GANC: variants seen among roughly 807,000 people sequenced by gnomAD.
GANC encodes glucosidase alpha, neutral C, also known as neutral alpha-glucosidase C.
Under a neutral mutation model 124.2 loss-of-function variants are expected in GANC, and 117 were observed. The observed-to-expected ratio is 0.94, with a 90% CI of 0.81 to 1.10. The LOEUF is 1.10. Ranked by LOEUF, GANC falls within the 50% of genes least tolerant of loss-of-function variation. GANC has a pLI of 0.00. For synonymous variants in GANC, 377 were observed against 376.8 expected (o/e 1.00, Z -0.01); for missense variants, 1,140 against 1,095.0 (o/e 1.04, Z -0.58).
rs1257203403 is a variant in GANC at position 42,273,305 on chromosome 15, C to G, written c.-1177C>G. The G allele has an allele frequency of 1.2e-6, 2 of 1,614,158 alleles. No homozygotes were observed. Among genetic ancestry groups the G allele is most frequent in the Non-Finnish European group, 1.7e-6 (2 of 1,180,038 alleles). ...GACCGGTCGGCAGCAGCTACGGTTG[C>G]CGGTCCCGCACTGAAAAACGACAGT... On this transcript the variant is annotated 5_prime_UTR_variant, in exon 1 of 24. Coordinates refer to ENST00000318010, the MANE Select transcript of GANC (RefSeq NM_198141.3).
At chr15:42,315,898 G>T (rs920170031) in intron 10 of GANC, among the ~76,000 whole-genome samples, 1 of 152,098 alleles carries the variant, frequency 6.6e-6, no homozygotes, top group Non-Finnish European at 1.5e-5. Context: ...TAGTATGCCA[G>T]TATCTCCTGC....
chr15:42,352,738 T>C lies in GANC; in HGVS notation c.*599T>C. On this transcript the variant is annotated 3_prime_UTR_variant, in exon 24 of 24. Transcript: ENST00000318010. ...CTTTCATGCTTCTCAGGCTCAATAG[T>C]TTCTAATTAATCTTAAAATCCATGT... is the stretch of plus-strand genomic sequence containing the variant. 1 of 985,386 alleles carries C rather than the reference T, an allele frequency of 1.0e-6. No individual in the cohort carries two copies. Among genetic ancestry groups the C allele is most frequent in the Non-Finnish European group, 1.2e-6 (1 of 829,464 alleles). 61.0% of individuals were successfully genotyped at this position (985,386 alleles called of 1,614,324 possible). A position where few individuals can be genotyped will look rare whatever the true frequency, so the allele number is the denominator to read the frequency against.
intron 4 of GANC, among the ~76,000 whole-genome samples, chr15:42,290,460 A>G (rs993357583): frequency 7.9e-5 from 12 of 152,214 alleles, no homozygotes; most frequent in Non-Finnish European, 1.5e-4. Flanking sequence ...AGGTCACTGA[A>G]TTAGTCCATA....
At chr15:42,285,492 G>T (rs893619968) in intron 3 of GANC, among the ~76,000 whole-genome samples, 1 of 152,174 alleles carries the variant, frequency 6.6e-6, no homozygotes. Flanking sequence ...GACCAAGAAA[G>T]CTATGTTGGT....
chr15:42,299,306 A>G (rs1403154256), intron 6 of GANC, among the ~76,000 whole-genome samples: 1 of 152,194 alleles, frequency 6.6e-6, no homozygotes, highest in African/African-American at 2.4e-5. Context: ...CCTTTCCCGC[A>G]TCTATTGAGA....
intron 15 of GANC, among the ~76,000 whole-genome samples, chr15:42,334,939 G>C (rs1238877418): frequency 6.6e-6 from 1 of 152,062 alleles, no homozygotes; most frequent in Non-Finnish European, 1.5e-5. Flanking sequence ...TCCCTGAAAA[G>C]ACTAATAACG....
At chr15:42,333,038 A>ATT (rs397835836) in intron 15 of GANC, among the ~76,000 whole-genome samples, 2,460 of 146,880 alleles carry the variant, frequency 0.017, 27 homozygotes, top group Non-Finnish European at 0.026. Flanking sequence ...ATATATATAT[A>ATT]TTTTTTTTGG....
intron 3 of GANC, among the ~76,000 whole-genome samples, chr15:42,282,166 C>G (rs920327361): frequency 1.3e-5 from 2 of 152,048 alleles, no homozygotes; most frequent in African/African-American, 4.8e-5. Context: ...CTAAAAATAA[C>G]AAAAATTAGC....
At chr15:42,347,589 A>T (rs915027354) in intron 20 of GANC, among the ~76,000 whole-genome samples, 7 of 152,184 alleles carry the variant, frequency 4.6e-5, no homozygotes, top group Non-Finnish European at 8.8e-5. Flanking sequence ...CCAAACAGGG[A>T]GCAAGAGGGG....
At chr15:42,317,423 A>G (rs1446660332) in intron 10 of GANC, among the ~76,000 whole-genome samples, 1 of 152,216 alleles carries the variant, frequency 6.6e-6, no homozygotes, top group Non-Finnish European at 1.5e-5. Context: ...TTACTGCTTA[A>G]TGATTACAGA....
intron 3 of GANC, among the ~76,000 whole-genome samples, chr15:42,282,304 A>G (rs1478002825): frequency 6.6e-6 from 1 of 152,140 alleles, no homozygotes; most frequent in Non-Finnish European, 1.5e-5. Context: ...CCTGGGCAAC[A>G]CAGTGAGACT....
intron 22 of GANC, 42 bp downstream of exon 22, chr15:42,349,537 C>T (rs751229783): frequency 8.7e-7 from 1 of 1,143,924 alleles, no homozygotes; most frequent in South Asian, 1.2e-5. Flanking sequence ...TTAAGTAAAT[C>T]ACACTATCCG....
chr15:42,328,716 G>C (rs969173682), intron 13 of GANC, among the ~76,000 whole-genome samples: 1 of 152,182 alleles, frequency 6.6e-6, no homozygotes, highest in Non-Finnish European at 1.5e-5. Context: ...AACGCCAAAA[G>C]ATAAGTGATT....
rs780040544 is a variant in GANC at position 42,333,365 on chromosome 15, C to A, written c.1741+2693C>A. Among the ~76,000 whole-genome samples, 5 of 151,236 alleles carry A rather than the reference C, an allele frequency of 3.3e-5. No homozygotes were observed. In the East Asian group the frequency reaches 9.7e-4, roughly 29 times the overall value. On this transcript the variant is annotated intron_variant, in intron 15 of 23. Coordinates refer to ENST00000318010, the MANE Select transcript of GANC (RefSeq NM_198141.3). ...AATTTTTTTTTTCCTGGCCATAGGG[C>A]GGCCTAAAATTTCTATGAAAGATTA...
intron 3 of GANC, among the ~76,000 whole-genome samples, chr15:42,279,078 G>A (rs1350769384): frequency 6.6e-6 from 1 of 152,180 alleles, no homozygotes; most frequent in African/African-American, 2.4e-5. Flanking sequence ...ATGAATATAA[G>A]TATATAGATT....
At chr15:42,346,142 A>T (rs1397425682) in intron 20 of GANC, among the ~76,000 whole-genome samples, 1 of 152,152 alleles carries the variant, frequency 6.6e-6, no homozygotes, top group East Asian at 1.9e-4. Context: ...CATCCTTATG[A>T]CCACATTTTT....
chr15:42,291,612 G>T (rs775569711), intron 4 of GANC, among the ~76,000 whole-genome samples: 3 of 152,166 alleles, frequency 2.0e-5, no homozygotes, highest in South Asian at 2.1e-4. Context: ...GGTGGGAAAT[G>T]ATGCCGTTAA....
intron 10 of GANC, among the ~76,000 whole-genome samples, chr15:42,320,579 G>T (rs2052147551): frequency 6.6e-6 from 1 of 152,288 alleles, no homozygotes; most frequent in Non-Finnish European, 1.5e-5. Context: ...CTCCCAAGTA[G>T]TGGGGACTAC....
intron 15 of GANC, among the ~76,000 whole-genome samples, chr15:42,332,709 A>G (rs1260064005): frequency 6.6e-6 from 1 of 151,974 alleles, no homozygotes; most frequent in Non-Finnish European, 1.5e-5. Flanking sequence ...TAAAAGAACA[A>G]TCCCTGGAAA....
Sources: gnomAD v4.1 joint callset for allele counts (sites outside exome capture counted in the v4.1 genomes callset) on GRCh38, gnomAD v4.1.1 for gene constraint, MANE v1.5 for transcripts, NCBI Gene and HGNC (gene_info 2026-07-23, HGNC 2026-07-21) for gene names.